KIAA1671: variants seen among roughly 807,000 people sequenced by gnomAD.
KIAA1671 encodes the protein KIAA1671, also known as uncharacterized protein KIAA1671.
In KIAA1671, 52 loss-of-function variants were observed where a neutral mutation model predicts 131.2. That is an observed-to-expected ratio of 0.40 (90% CI 0.32 to 0.50). The LOEUF (loss-of-function observed/expected upper bound fraction) is 0.50. KIAA1671 is among the 20% of genes least tolerant of loss of function. The probability of loss-of-function intolerance (pLI) is 0.73; values close to 1 mark genes in which losing one functional copy is unlikely to be tolerated. For missense variants in KIAA1671, 2,360 were observed against 2,364.2 expected, an observed-to-expected ratio of 1.00 and a Z score of 0.04; for synonymous variants, 1,003 against 961.6, an observed-to-expected ratio of 1.04 and a Z score of -0.80.
In KIAA1671 at chr22:25,029,185, C is replaced by G. The variant is rs1926128720; in HGVS notation, c.1186C>G (p.Pro396Ala). 1.4e-6 allele frequency: 2 copies of G among 1,456,132 alleles called. No homozygotes were observed. Among genetic ancestry groups the G allele is most frequent in the Non-Finnish European group, 1.8e-6 (2 of 1,101,630 alleles). The allele number at this position is 1,456,132 out of a possible 1,614,324, so 90.2% of individuals were successfully genotyped here. Residue 396 changes from proline to alanine, a missense_variant, in exon 3 of 13, where the codon CCA becomes GCA. Physicochemically the swap from Pro to Ala is conservative, Grantham distance 27. Around this residue, in one of 3 missense-constraint regions of KIAA1671, gnomAD observed 1,185 missense variants for 1,126.2 expected, o/e 1.05. Coordinates refer to ENST00000358431, the MANE Select transcript of KIAA1671 (RefSeq NM_001145206.2). ...AGAAAAGGCCAAGCTGGACCCAGAG[C>G]CAGAGAAGGCTGCTGAGTCCCCCTC... Reference protein sequence around the residue: ...WEEKAKLDPEPEKAAESPSPR... With the variant: ...WEEKAKLDPEAEKAAESPSPR...
intron 1 of KIAA1671, chr22:25,009,575 CTTTT>C (rs1280779757): frequency 7.0e-6 from 1 of 143,752 alleles, no homozygotes; most frequent in African/African-American, 2.6e-5. Flanking sequence ...CCCTTCCCCA[CTTTT>C]TTTTTCTTTT....
At chr22:25,163,331 A>ATTTTTTTTTT (rs132895) in intron 6 of KIAA1671, among the ~76,000 whole-genome samples, 2 of 55,540 alleles carry the variant, frequency 3.6e-5, no homozygotes, top group African/African-American at 1.5e-4. Flanking sequence ...ATTGCCTCAA[A>ATTTTTTTTTT]TTTTTTTTTT....
chr22:25,135,969 G>A (rs1365953322), intron 6 of KIAA1671, among the ~76,000 whole-genome samples: 1 of 152,232 alleles, frequency 6.6e-6, no homozygotes, highest in African/African-American at 2.4e-5. Context: ...ACAATTGTGG[G>A]AACTGAGGCT....
In KIAA1671 at chr22:25,070,179, C is replaced by T. The variant is rs1160551015; in HGVS notation, c.4530+20815C>T. 8 of 390,176 alleles carry T rather than the reference C, an allele frequency of 2.1e-5. No homozygotes were observed. The South Asian group carries it at 4.3e-4, about 21-fold the overall frequency. 24.2% of individuals were successfully genotyped at this position (390,176 alleles called of 1,614,324 possible). A position where few individuals can be genotyped will look rare whatever the true frequency, so the allele number is the denominator to read the frequency against. Reference sequence around the variant, plus strand: ...CTCATAGGACCGAGTGGTGGCTTCTCAGTTCCCCAGGCAGCCGTGGCCATT... The same window carrying T: ...CTCATAGGACCGAGTGGTGGCTTCTTAGTTCCCCAGGCAGCCGTGGCCATT... On this transcript the variant is annotated intron_variant, in intron 6 of 12. Transcript: ENST00000358431.
intron 6 of KIAA1671, among the ~76,000 whole-genome samples, chr22:25,121,312 A>G (rs1445292282): frequency 1.3e-5 from 2 of 152,024 alleles, no homozygotes; most frequent in African/African-American, 2.4e-5. Flanking sequence ...AATACAAAAA[A>G]TTAGCTGGGC....
rs1456504311 is a variant in KIAA1671 at position 25,196,280 on chromosome 22, C to G, written c.*3879C>G. The stretch of plus-strand genomic sequence containing the variant: ...TTAAAATGGACACCCCTCAGCCCGC[C>G]CTCCCCTTTGGCCTTCCCAGAATCT... On this transcript the variant is annotated 3_prime_UTR_variant, in exon 13 of 13. Coordinates refer to ENST00000358431, the MANE Select transcript of KIAA1671 (RefSeq NM_001145206.2). 6.6e-6 allele frequency: 1 copy of G among 152,158 alleles called. No individual in the cohort carries two copies. The highest frequency in any genetic ancestry group is 1.5e-5 in the Non-Finnish European group (1 of 68,064). 9.4% of individuals were successfully genotyped at this position (152,158 alleles called of 1,614,324 possible). A position where few individuals can be genotyped will look rare whatever the true frequency, so the allele number is the denominator to read the frequency against.
intron 6 of KIAA1671, among the ~76,000 whole-genome samples, chr22:25,138,405 G>A (rs540700007): frequency 2.0e-5 from 3 of 152,258 alleles, no homozygotes; most frequent in South Asian, 2.1e-4. Context: ...ATAATCCTTC[G>A]GTAGGGAGTG....
chr22:25,048,705 A>G (rs1927372212), intron 5 of KIAA1671, among the ~76,000 whole-genome samples: 1 of 152,236 alleles, frequency 6.6e-6, no homozygotes, highest in South Asian at 2.1e-4. Context: ...CTGTTCATGC[A>G]CCGTTTCTCT....
intron 1 of KIAA1671, among the ~76,000 whole-genome samples, chr22:24,984,126 A>T (rs1923384941): frequency 6.6e-6 from 1 of 151,594 alleles, no homozygotes. Context: ...AAGCAGGGAC[A>T]TTATGTGGTT....
chr22:25,080,340 CA>C (rs901775048), intron 6 of KIAA1671, among the ~76,000 whole-genome samples: 18 of 152,204 alleles, frequency 1.2e-4, no homozygotes, highest in African/African-American at 4.1e-4. Flanking sequence ...GATTAAAACA[CA>C]GGGATTAAAA....
At chr22:25,051,783 T>C (rs2145822743) in intron 6 of KIAA1671, 2 of 152,386 alleles carry the variant, frequency 1.3e-5, no homozygotes, top group South Asian at 4.1e-4. Flanking sequence ...ATGCATTTTG[T>C]GTCTCATGAG....
chr22:25,160,565 C>T (rs1355612143), intron 6 of KIAA1671, among the ~76,000 whole-genome samples: 3 of 152,174 alleles, frequency 2.0e-5, no homozygotes, highest in African/African-American at 7.2e-5. Flanking sequence ...ACCAGGCTTG[C>T]ACCAACCCCA....
At chr22:25,015,396 G>A (rs966206608) in intron 1 of KIAA1671, among the ~76,000 whole-genome samples, 2 of 152,074 alleles carry the variant, frequency 1.3e-5, no homozygotes, top group African/African-American at 4.8e-5. Context: ...AAACACGGGG[G>A]GAAACAGCAG....
Position 25,029,359 on chromosome 22 carries a change from G to A in KIAA1671, c.1360G>A (p.Val454Met). ...GGAGGACAGCACCTTGGCCTTGGCAGTGGGGTCTGAATCTCCCCTGGCCAC... is the reference window on the plus strand; with the variant it reads ...GGAGGACAGCACCTTGGCCTTGGCAATGGGGTCTGAATCTCCCCTGGCCAC... Reference protein sequence around the residue: ...FREDSTLALAVGSESPLATPA... With the variant: ...FREDSTLALAMGSESPLATPA... The change falls in exon 3 of 13, where the codon GTG (valine) becomes ATG (methionine). Residue 454 changes from valine (V) to methionine (M), a missense_variant. By Grantham distance (21) the Val-to-Met change is conservative. This residue lies in a region of KIAA1671 where 1,185 missense variants were observed against 1,126.2 expected (regional missense o/e 1.05). Transcript: ENST00000358431. The A allele has an allele frequency of 1.3e-6, 2 of 1,551,136 alleles. No homozygotes were observed. The highest frequency in any genetic ancestry group is 1.7e-6 in the Non-Finnish European group (2 of 1,146,700).
chr22:24,994,971 G>A (rs1165205465), intron 1 of KIAA1671, among the ~76,000 whole-genome samples: 2 of 151,276 alleles, frequency 1.3e-5, no homozygotes, highest in Non-Finnish European at 2.9e-5. Context: ...TTCCAGCCAC[G>A]TTCCTGCATT....
At chr22:25,120,317 C>T (rs904941058) in intron 6 of KIAA1671, among the ~76,000 whole-genome samples, 3 of 152,342 alleles carry the variant, frequency 2.0e-5, no homozygotes, top group Non-Finnish European at 4.4e-5. Context: ...GCTACAGTGT[C>T]GCCAGGCAGG....
At chr22:25,174,516 T>A in intron 8 of KIAA1671, 27 bp downstream of exon 8, 1 of 1,481,318 alleles carries the variant, frequency 6.8e-7, no homozygotes. Flanking sequence ...GAGCATTTCT[T>A]CTTAAATGGA....
rs552569453 is a variant in KIAA1671, at chr22:25,095,043, C to A, written c.4530+45679C>A. ...GGTGTTTCTTGAGACATGAGGAAGG[C>A]CCCCTCCAGAGTGTATATACAAAAG... is the stretch of plus-strand genomic sequence containing the variant. On this transcript the variant is annotated intron_variant, in intron 6 of 12. Transcript: ENST00000358431. Among the ~76,000 whole-genome samples, 6 of 152,266 alleles carry A rather than the reference C, an allele frequency of 3.9e-5. No homozygotes were observed. The East Asian group carries it at 1.2e-3, about 29-fold the overall frequency.
chr22:25,173,789 A>C (rs1226170258), intron 7 of KIAA1671, among the ~76,000 whole-genome samples: 4 of 152,240 alleles, frequency 2.6e-5, no homozygotes, highest in Admixed American at 2.6e-4. Context: ...CATGTAATTA[A>C]CATGAAAAGT....
Sources: gnomAD v4.1 joint callset for allele counts (sites outside exome capture counted in the v4.1 genomes callset) on GRCh38, gnomAD v4.1.1 for gene constraint, gnomAD v4.1.1 regional missense constraint, MANE v1.5 for transcripts, NCBI Gene and HGNC (gene_info 2026-07-23, HGNC 2026-07-21) for gene names.